Variants in IRAK3 observed in about 807,000 individuals in gnomAD.
The protein encoded by IRAK3 is interleukin 1 receptor associated kinase 3.
In IRAK3, 57 loss-of-function variants were observed where a neutral mutation model predicts 56.6. The ratio of observed to expected loss-of-function variants is 1.01; its 90% CI spans 0.81 to 1.26. The LOEUF is 1.26. Among genes scored for constraint, IRAK3 ranks in the 50% most tolerant of loss-of-function variants. IRAK3 has a pLI of 0.00. For missense variants in IRAK3, 703 were observed against 719.0 expected (o/e 0.98, Z 0.25); for synonymous variants, 258 against 255.7 (o/e 1.01, Z -0.09).
chr12:66,196,958 A>G (rs2052459881), intron 1 of IRAK3: 3 of 1,535,182 alleles, frequency 2.0e-6, no homozygotes, highest in African/African-American at 1.4e-5. Context: ...AAATACAAAG[A>G]TTCCAAATAC....
At position 66,254,592 on chromosome 12, in the gene IRAK3, T is replaced by G. The variant is rs1234967410; in HGVS notation, c.*6421T>G. 6.6e-6 allele frequency: 1 copy of G among 152,076 alleles called. No individual in the cohort carries two copies. The highest frequency in any genetic ancestry group is 2.4e-5 in the African/African-American group (1 of 41,426). The allele number at this position is 152,076 out of a possible 1,614,324, so 9.4% of individuals were successfully genotyped here. A position where few individuals can be genotyped will look rare whatever the true frequency, so the allele number is the denominator to read the frequency against. On this transcript the variant is annotated 3_prime_UTR_variant, in exon 12 of 12. Coordinates refer to ENST00000261233, the MANE Select transcript of IRAK3 (RefSeq NM_007199.3). ...TATAATGAACATATATCATTTTTAT[T>G]AGAAAAGAATAAAGTTTTTGAAAAA... is the stretch of plus-strand genomic sequence containing the variant.
rs1434715363 is a variant in IRAK3 at position 66,189,342 on chromosome 12, A to T, written c.43A>T (p.Thr15Ser). ...CGARGALSAHTLLFDLPPALL... is the reference protein window; with the variant it reads ...CGARGALSAHSLLFDLPPALL... ...GGCCCGCGGCGCGCTGTCGGCGCAC[A>T]CGCTGCTGTTCGACCTGCCGCCCGC... Residue 15 changes from threonine (T) to serine (S), a missense_variant, in exon 1 of 12, where the codon ACG becomes TCG. Coordinates refer to ENST00000261233, the MANE Select transcript of IRAK3 (RefSeq NM_007199.3). 2.0e-6 allele frequency: 3 copies of T among 1,532,466 alleles called. No homozygotes were observed. Among genetic ancestry groups the T allele is most frequent in the East Asian group, 2.4e-5 (1 of 41,004 alleles). 94.9% of individuals were successfully genotyped at this position (1,532,466 alleles called of 1,614,324 possible).
intron 1 of IRAK3, among the ~76,000 whole-genome samples, chr12:66,198,404 GT>G (rs2052475252): frequency 1.3e-5 from 2 of 152,128 alleles, no homozygotes; most frequent in Admixed American, 6.5e-5. Context: ...TGTCTTCACT[GT>G]TTCTGGAACA....
Position 66,247,759 on chromosome 12 carries a change from T to C in IRAK3, c.1379T>C (p.Leu460Pro), listed in dbSNP as rs893277456. The change falls in exon 12 of 12, where the codon CTA (leucine) becomes CCA (proline). Residue 460 changes from leucine to proline, a missense_variant. Coordinates refer to ENST00000261233, the MANE Select transcript of IRAK3 (RefSeq NM_007199.3). The part of the protein sequence containing the change: ...LYFAEDPPTS[L>P]KSFRCPSPLF... ...TTTGCTGAAGATCCTCCCACATCACTAAAGTCCTTCAGGTGTCCTTCTCCT... is the reference window on the plus strand; with the variant it reads ...TTTGCTGAAGATCCTCCCACATCACCAAAGTCCTTCAGGTGTCCTTCTCCT... 6.2e-7 allele frequency: 1 copy of C among 1,614,182 alleles called. No homozygotes were observed. Among genetic ancestry groups the C allele is most frequent in the East Asian group, 2.2e-5 (1 of 44,884 alleles).
intron 1 of IRAK3, among the ~76,000 whole-genome samples, chr12:66,196,467 A>G (rs2052454290): frequency 6.6e-6 from 1 of 152,172 alleles, no homozygotes; most frequent in South Asian, 2.1e-4. Flanking sequence ...TCACCTGGGA[A>G]TGAAATTACA....
chr12:66,232,585 T>C (rs2136942792), intron 8 of IRAK3, among the ~76,000 whole-genome samples: 1 of 152,318 alleles, frequency 6.6e-6, no homozygotes, highest in Admixed American at 6.5e-5. Context: ...CCAGATGTGA[T>C]TGGCTGACCT....
At position 66,205,979 on chromosome 12, in the gene IRAK3, C is replaced by T. The variant is rs934444554; in HGVS notation, c.316+2086C>T. Among the ~76,000 whole-genome samples the T allele has an allele frequency of 3.3e-5, 5 of 152,134 alleles. No individual in the cohort carries two copies. In the South Asian group the frequency reaches 8.3e-4, roughly 25 times the overall value. ...CTATTTTTTGTTATTATATTTCTGG[C>T]ATGCATGTCCTTATGTATCACATTT... On this transcript the variant is annotated intron_variant, in intron 2 of 11. Coordinates refer to ENST00000261233, the MANE Select transcript of IRAK3 (RefSeq NM_007199.3).
intron 8 of IRAK3, among the ~76,000 whole-genome samples, chr12:66,233,035 C>G (rs1329627974): frequency 6.6e-6 from 1 of 150,966 alleles, no homozygotes; most frequent in Non-Finnish European, 1.5e-5. Context: ...GCCAAAATTT[C>G]AGCAACTTTT....
intron 1 of IRAK3, among the ~76,000 whole-genome samples, chr12:66,202,503 A>C (rs886685339): frequency 4.6e-5 from 7 of 152,150 alleles, no homozygotes; most frequent in Non-Finnish European, 1.0e-4. Flanking sequence ...CTGCCGTGGT[A>C]GTTCTCACAT....
At chr12:66,213,780 T>TAA (rs60115710) in intron 5 of IRAK3, among the ~76,000 whole-genome samples, 1 of 116,170 alleles carries the variant, frequency 8.6e-6, no homozygotes, top group Non-Finnish European at 1.9e-5. Context: ...GTCTACTAAT[T>TAA]AAAAAAAAAA....
rs1017442047 is a variant in IRAK3, at chr12:66,249,953, G to A, written c.*1782G>A. 6.6e-6 allele frequency: 1 copy of A among 152,132 alleles called. No homozygotes were observed. Among genetic ancestry groups the A allele is most frequent in the African/African-American group, 2.4e-5 (1 of 41,414 alleles). The allele number at this position is 152,132 out of a possible 1,614,324, so 9.4% of individuals were successfully genotyped here. ...TGGAATTGGGACGTGGACATCTTCG[G>A]GGGACCATTACTCTGTCTGTCATAC... On this transcript the variant is annotated 3_prime_UTR_variant, in exon 12 of 12. Transcript: ENST00000261233.
At chr12:66,217,076 A>T in intron 5 of IRAK3, 95 bp from the exon 6 acceptor site, 1 of 867,666 alleles carries the variant, frequency 1.2e-6, no homozygotes, top group Non-Finnish European at 2.0e-6. Flanking sequence ...TACACCAAAA[A>T]GTTCATCTAA....
At chr12:66,247,598 G>A in intron 11 of IRAK3, 97 bp from the exon 12 acceptor site, 1 of 824,760 alleles carries the variant, frequency 1.2e-6, no homozygotes, top group Non-Finnish European at 2.0e-6. Flanking sequence ...CTAATTTCAT[G>A]AAAATGAAAG....
intron 7 of IRAK3, among the ~76,000 whole-genome samples, chr12:66,227,761 C>CAAAAAAAA (rs34349535): frequency 9.3e-6 from 1 of 107,912 alleles, no homozygotes; most frequent in Non-Finnish European, 1.9e-5. Context: ...GACCTTGTCT[C>CAAAAAAAA]AAAAAAAAAA....
chr12:66,253,850 C>T lies in IRAK3; in HGVS notation c.*5679C>T, dbSNP rs1018972161. The stretch of plus-strand genomic sequence containing the variant: ...AAAAAATGAAGCATAAAGGAGTTGG[C>T]TCTTGCCCTAAGTCATACTACTGAT... On this transcript the variant is annotated 3_prime_UTR_variant, in exon 12 of 12. Transcript: ENST00000261233. 4 of 152,118 alleles carry T rather than the reference C, an allele frequency of 2.6e-5. No individual in the cohort carries two copies. Among genetic ancestry groups the T allele is most frequent in the African/African-American group, 9.7e-5 (4 of 41,418 alleles). 9.4% of individuals were successfully genotyped at this position (152,118 alleles called of 1,614,324 possible).
chr12:66,204,405 G>A (rs2052537510), intron 2 of IRAK3, among the ~76,000 whole-genome samples: 1 of 152,100 alleles, frequency 6.6e-6, no homozygotes, highest in Non-Finnish European at 1.5e-5. Flanking sequence ...TTACACCACA[G>A]CGTTTAACCC....
At chr12:66,234,649 G>A in intron 8 of IRAK3, 3 of 1,611,420 alleles carry the variant, frequency 1.9e-6, no homozygotes, top group Non-Finnish European at 2.5e-6. Context: ...AAGGTTCTGT[G>A]GGGGCAGAAA....
At chr12:66,235,472 A>C (rs2052897076) in intron 8 of IRAK3, among the ~76,000 whole-genome samples, 1 of 151,074 alleles carries the variant, frequency 6.6e-6, no homozygotes, top group Admixed American at 6.6e-5. Context: ...TCCCCTCCGC[A>C]CTCGTCTAAA....
chr12:66,205,928 C>G (rs978676092), intron 2 of IRAK3, among the ~76,000 whole-genome samples: 1 of 152,104 alleles, frequency 6.6e-6, no homozygotes, highest in Admixed American at 6.6e-5. Context: ...CAGGACATAA[C>G]AAAATTGCTC....
Sources: allele counts gnomAD v4.1 joint callset (sites outside exome capture counted in the v4.1 genomes callset), GRCh38; gene constraint gnomAD v4.1.1; transcripts MANE v1.5; gene names NCBI Gene and HGNC (gene_info 2026-07-23, HGNC 2026-07-21).